Variants in C8orf34 observed in about 807,000 individuals in gnomAD.
C8orf34 encodes uncharacterized protein C8orf34.
A neutral mutation model predicts 68.3 loss-of-function variants in C8orf34; 65 were observed. The observed-to-expected ratio is 0.95, with a 90% CI of 0.78 to 1.17. The LOEUF (loss-of-function observed/expected upper bound fraction) is 1.17, where lower values mean the gene tolerates loss of function less well. Ranked by LOEUF, C8orf34 falls within the 50% of genes most tolerant of loss-of-function variation. C8orf34 has a pLI of 0.00. For missense variants in C8orf34, 664 were observed against 655.4 expected, an observed-to-expected ratio of 1.01 and a Z score of -0.14; for synonymous variants, 244 against 241.2, an observed-to-expected ratio of 1.01 and a Z score of -0.11.
intron 10 of C8orf34, among the ~76,000 whole-genome samples, chr8:68,730,977 T>C (rs553769639): frequency 6.6e-6 from 1 of 152,182 alleles, no homozygotes; most frequent in Non-Finnish European, 1.5e-5. Context: ...TCCTGCAAAT[T>C]TCATTAGATT....
At chr8:68,541,258 T>A (rs1004715351) in intron 7 of C8orf34, among the ~76,000 whole-genome samples, 3 of 151,446 alleles carry the variant, frequency 2.0e-5, no homozygotes. Flanking sequence ...AGTTCAGGAG[T>A]TCAAGACCAG....
intron 3 of C8orf34, among the ~76,000 whole-genome samples, chr8:68,462,907 CA>C (rs1811913161): frequency 6.6e-6 from 1 of 152,096 alleles, no homozygotes; most frequent in African/African-American, 2.4e-5. Context: ...CAAACACATT[CA>C]AAAGCTAACA....
intron 9 of C8orf34, 34 bp from the exon 10 acceptor site, chr8:68,721,327 G>A (rs1241796392): frequency 7.4e-7 from 1 of 1,346,362 alleles, no homozygotes; most frequent in South Asian, 1.2e-5. Flanking sequence ...CAATATGTGA[G>A]TATAATTTAT....
At chr8:68,498,000 G>A (rs1434323514) in intron 5 of C8orf34, among the ~76,000 whole-genome samples, 2 of 152,022 alleles carry the variant, frequency 1.3e-5, no homozygotes, top group East Asian at 1.9e-4. Flanking sequence ...AGCTAATTTT[G>A]TATTTTTAGT....
chr8:68,512,485 A>G (rs1814318061), intron 5 of C8orf34, among the ~76,000 whole-genome samples: 1 of 152,204 alleles, frequency 6.6e-6, no homozygotes, highest in African/African-American at 2.4e-5. Flanking sequence ...AGGCTGTCAA[A>G]TATGTTCGAG....
At chr8:68,342,945 A>C (rs766368602) in intron 1 of C8orf34, among the ~76,000 whole-genome samples, 19 of 152,172 alleles carry the variant, frequency 1.2e-4, no homozygotes, top group Non-Finnish European at 2.5e-4. Flanking sequence ...AATATACAGT[A>C]ATAATGAAGC....
At chr8:68,636,449 G>A (rs1028039939) in intron 7 of C8orf34, among the ~76,000 whole-genome samples, 13 of 151,940 alleles carry the variant, frequency 8.6e-5, no homozygotes, top group Middle Eastern at 3.4e-3. Flanking sequence ...GCCAGGTGTC[G>A]TGGTATGTGC....
At chr8:68,596,470 A>G (rs112006433) in intron 7 of C8orf34, among the ~76,000 whole-genome samples, 132 of 152,264 alleles carry the variant, frequency 8.7e-4, no homozygotes, top group Non-Finnish European at 1.4e-3. Flanking sequence ...TTGCAAGACA[A>G]TAAGATAGTC....
intron 5 of C8orf34, among the ~76,000 whole-genome samples, chr8:68,492,131 A>G (rs935479428): frequency 6.6e-6 from 1 of 152,252 alleles, no homozygotes; most frequent in South Asian, 2.1e-4. Flanking sequence ...TGCCACAAGA[A>G]GATTCTTCCT....
intron 7 of C8orf34, among the ~76,000 whole-genome samples, chr8:68,591,939 T>C (rs1299433678): frequency 1.3e-5 from 2 of 152,170 alleles, no homozygotes; most frequent in Non-Finnish European, 2.9e-5. Flanking sequence ...TGTTCTTAAA[T>C]TGAAATTATA....
intron 7 of C8orf34, among the ~76,000 whole-genome samples, chr8:68,573,306 G>A (rs1816809204): frequency 6.6e-6 from 1 of 152,084 alleles, no homozygotes; most frequent in African/African-American, 2.4e-5. Context: ...TCTGAGATGA[G>A]GCCTTTGAAG....
At chr8:68,558,317 T>C (rs1046277618) in intron 7 of C8orf34, among the ~76,000 whole-genome samples, 1 of 152,100 alleles carries the variant, frequency 6.6e-6, no homozygotes, top group African/African-American at 2.4e-5. Context: ...AGGTTTTGAA[T>C]CTAACTTTGA....
intron 1 of C8orf34, among the ~76,000 whole-genome samples, chr8:68,413,948 C>A (rs1298345012): frequency 6.6e-6 from 1 of 152,178 alleles, no homozygotes; most frequent in East Asian, 1.9e-4. Flanking sequence ...ATCCTCCTAC[C>A]TCTTTAGCTC....
rs1485558753 is a variant in C8orf34, at chr8:68,620,802, T to C, written c.1106-19574T>C. Among the ~76,000 whole-genome samples, 6 of 151,806 alleles carry C rather than the reference T, an allele frequency of 4.0e-5. No individual in the cohort carries two copies. In the East Asian group the frequency reaches 1.2e-3, roughly 29 times the overall value. On this transcript the variant is annotated intron_variant, in intron 7 of 13. Transcript: ENST00000518698. Reference sequence around the variant, plus strand: ...GTTTTAGCTTTTTTTTTTTCCCCCATTACCCAATAAGATGGAGGTTTGAGA... The same window carrying C: ...GTTTTAGCTTTTTTTTTTTCCCCCACTACCCAATAAGATGGAGGTTTGAGA...
intron 7 of C8orf34, among the ~76,000 whole-genome samples, chr8:68,580,855 G>A (rs1300956969): frequency 2.0e-5 from 3 of 152,096 alleles, no homozygotes; most frequent in African/African-American, 7.2e-5. Flanking sequence ...ACTTTGTTGA[G>A]ATCAGAAAGG....
intron 7 of C8orf34, among the ~76,000 whole-genome samples, chr8:68,633,381 C>T (rs1435343121): frequency 6.6e-6 from 1 of 152,118 alleles, no homozygotes; most frequent in African/African-American, 2.4e-5. Context: ...AGAGTTAAAA[C>T]ATTTATTTTT....
At chr8:68,471,946 A>G (rs1004671820) in intron 4 of C8orf34, among the ~76,000 whole-genome samples, 24 of 151,798 alleles carry the variant, frequency 1.6e-4, no homozygotes, top group Non-Finnish European at 7.4e-5. Context: ...ACACACACAC[A>G]CACACACACA....
chr8:68,661,990 A>G (rs1367590567), intron 8 of C8orf34, among the ~76,000 whole-genome samples: 2 of 152,182 alleles, frequency 1.3e-5, no homozygotes, highest in Non-Finnish European at 2.9e-5. Context: ...GTGAAAGATT[A>G]ACAGGAGAAA....
rs944928179 is a variant in C8orf34 at position 68,534,668 on chromosome 8, A to G, written c.1105+1519A>G. The G allele has an allele frequency of 1.9e-5, 19 of 985,262 alleles. No homozygotes were observed. The African/African-American group carries it at 3.0e-4, about 15-fold the overall frequency. The allele number at this position is 985,262 out of a possible 1,614,324, so 61.0% of individuals were successfully genotyped here. On this transcript the variant is annotated intron_variant, in intron 7 of 13. Coordinates refer to ENST00000518698, the MANE Select transcript of C8orf34 (RefSeq NM_052958.4). Reference sequence around the variant, plus strand: ...GTGGTCATTGTAGGTTTGCTCACGTAGGTATGGGCTGTTTTGCGATTGTGC... The same window carrying G: ...GTGGTCATTGTAGGTTTGCTCACGTGGGTATGGGCTGTTTTGCGATTGTGC...
Sources: gnomAD v4.1 joint callset for allele counts (sites outside exome capture counted in the v4.1 genomes callset) on GRCh38, gnomAD v4.1.1 for gene constraint, MANE v1.5 for transcripts, NCBI Gene and HGNC (gene_info 2026-07-23, HGNC 2026-07-21) for gene names.